Variants in UGGT1 observed in about 807,000 individuals in gnomAD.
UGGT1 encodes UDP-glucose glycoprotein glucosyltransferase 1, also known as UDP-glucose:glycoprotein glucosyltransferase 1.
A neutral mutation model predicts 203.9 loss-of-function variants in UGGT1; 107 were observed. That is an observed-to-expected ratio of 0.52 (90% CI 0.45 to 0.62). The LOEUF (loss-of-function observed/expected upper bound fraction) is 0.62. Among genes scored for constraint, UGGT1 ranks in the 20% least tolerant of loss-of-function variants. UGGT1 has a pLI of 0.00. For missense variants in UGGT1, 1,673 were observed against 1,867.2 expected (o/e 0.90, Z 1.92); for synonymous variants, 628 against 653.5 (o/e 0.96, Z 0.59).
intron 14 of UGGT1, among the ~76,000 whole-genome samples, chr2:128,134,211 T>G (rs558549381): frequency 1.6e-4 from 25 of 152,270 alleles, no homozygotes; most frequent in African/African-American, 6.0e-4. Flanking sequence ...GATTTTTGTA[T>G]TTTTAGTAGA....
At chr2:128,175,936 T>A (rs922945694) in intron 31 of UGGT1, among the ~76,000 whole-genome samples, 2 of 152,254 alleles carry the variant, frequency 1.3e-5, no homozygotes, top group Non-Finnish European at 2.9e-5. Context: ...TTGCTGTTGA[T>A]TAGTAGGGAA....
intron 14 of UGGT1, 50 bp from the exon 15 acceptor site, chr2:128,134,826 G>T: frequency 6.5e-7 from 1 of 1,547,928 alleles, no homozygotes; most frequent in South Asian, 1.1e-5. Context: ...TCGGCCCACA[G>T]ATACTTGAAT....
Position 128,183,657 on chromosome 2 carries a change from C to T in UGGT1, c.4245-18C>T, listed in dbSNP as rs549584193. 16 of 1,584,538 alleles carry T rather than the reference C, an allele frequency of 1.0e-5. 1 individual carries two copies. The highest frequency in any genetic ancestry group is 3.3e-4 in the Middle Eastern group (2 of 5,996). On this transcript the variant is annotated intron_variant, in intron 37 of 40. Coordinates refer to ENST00000259253, the MANE Select transcript of UGGT1 (RefSeq NM_020120.4). Reference sequence around the variant, plus strand: ...GTAATCCATGGTTGGTTGTAACAAGCGGGTCTTCTTTATTCAGTGCACTAT... The same window carrying T: ...GTAATCCATGGTTGGTTGTAACAAGTGGGTCTTCTTTATTCAGTGCACTAT...
At chr2:128,185,536 C>T (rs886681955) in intron 38 of UGGT1, among the ~76,000 whole-genome samples, 2 of 140,946 alleles carry the variant, frequency 1.4e-5, no homozygotes, top group Non-Finnish European at 3.0e-5. Context: ...TGCAGTGATG[C>T]GATCATGGCT....
Position 128,115,118 on chromosome 2 carries a change from T to C in UGGT1, c.697-6T>C. 1.2e-6 allele frequency: 2 copies of C among 1,613,802 alleles called. No homozygotes were observed. Among genetic ancestry groups the C allele is most frequent in the Non-Finnish European group, 1.7e-6 (2 of 1,179,754 alleles). ...GGTAATGATGGAATTCTTGCTTTAC[T>C]TGCAGAATCCCAGGAAGGAGCCTGT... On this transcript the variant is annotated splice_region_variant and splice_polypyrimidine_tract_variant and intron_variant, in intron 6 of 40. Coordinates refer to ENST00000259253, the MANE Select transcript of UGGT1 (RefSeq NM_020120.4).
At chr2:128,185,768 T>C (rs1275374246) in intron 38 of UGGT1, among the ~76,000 whole-genome samples, 1 of 152,204 alleles carries the variant, frequency 6.6e-6, no homozygotes, top group Non-Finnish European at 1.5e-5. Context: ...CAGGGTTTTG[T>C]AGAGAAGTAT....
rs1688656890 is a variant in UGGT1 at position 128,127,413 on chromosome 2, A to G, written c.1187A>G (p.Asn396Ser). 1.9e-6 allele frequency: 3 copies of G among 1,613,650 alleles called. No individual in the cohort carries two copies. Among genetic ancestry groups the G allele is most frequent in the Non-Finnish European group, 2.5e-6 (3 of 1,179,582 alleles). ...CCTGGAGATTCAGCCCTCTTCATCAATGGACTTCACATGGATTTAGATACA... is the reference window on the plus strand; with the variant it reads ...CCTGGAGATTCAGCCCTCTTCATCAGTGGACTTCACATGGATTTAGATACA... Reference protein sequence around the residue: ...LQPGDSALFINGLHMDLDTQD... With the variant: ...LQPGDSALFISGLHMDLDTQD... Residue 396 changes from asparagine to serine, a missense_variant, in exon 12 of 41, where the codon AAT (asparagine) becomes AGT (serine). Physicochemically the swap from Asn to Ser is conservative, Grantham distance 46 (BLOSUM62 1). Around this residue, in one of 4 missense-constraint regions of UGGT1, gnomAD observed 1,073 missense variants for 1,078.7 expected, o/e 0.99. Coordinates refer to ENST00000259253, the MANE Select transcript of UGGT1 (RefSeq NM_020120.4).
At chr2:128,155,073 T>C (rs1226488668) in intron 19 of UGGT1, among the ~76,000 whole-genome samples, 7 of 152,196 alleles carry the variant, frequency 4.6e-5, no homozygotes, top group Non-Finnish European at 1.0e-4. Flanking sequence ...AAAATAAAAA[T>C]CAGTTTTCTT....
intron 25 of UGGT1, among the ~76,000 whole-genome samples, chr2:128,162,373 G>A (rs753723905): frequency 6.6e-6 from 1 of 151,866 alleles, no homozygotes; most frequent in African/African-American, 2.4e-5. Context: ...TTCTGCTTGC[G>A]AGGTTGCAAT....
At chr2:128,132,823 C>T (rs973750096) in intron 13 of UGGT1, among the ~76,000 whole-genome samples, 9 of 152,028 alleles carry the variant, frequency 5.9e-5, no homozygotes, top group Non-Finnish European at 1.2e-4. Flanking sequence ...GTGATCATCC[C>T]GCCTCAGCCT....
chr2:128,151,302 C>T, intron 18 of UGGT1: 1 of 580,148 alleles, frequency 1.7e-6, no homozygotes. Context: ...TGGGCTGTTT[C>T]AGCAGCACCT....
At chr2:128,137,275 C>G (rs1303617246) in intron 15 of UGGT1, among the ~76,000 whole-genome samples, 2 of 152,104 alleles carry the variant, frequency 1.3e-5, no homozygotes, top group African/African-American at 4.8e-5. Context: ...AAAGAGTAGC[C>G]AGGCGTGGTG....
At chr2:128,183,269 A>C (rs1216398897) in intron 37 of UGGT1, among the ~76,000 whole-genome samples, 1 of 152,230 alleles carries the variant, frequency 6.6e-6, no homozygotes, top group Non-Finnish European at 1.5e-5. Context: ...TGGTGGCTTC[A>C]TTCTTTACAT....
chr2:128,162,490 A>T (rs554078707), intron 25 of UGGT1, among the ~76,000 whole-genome samples: 1 of 152,088 alleles, frequency 6.6e-6, no homozygotes, highest in Non-Finnish European at 1.5e-5. Flanking sequence ...CATGCTGCAG[A>T]GTTCAAGAGC....
rs1688749880 is a variant in UGGT1 at position 128,129,032 on chromosome 2, G to A, written c.1230G>A (p.Leu410=). 6.3e-7 allele frequency: 1 copy of A among 1,585,014 alleles called. No homozygotes were observed. The highest frequency in any genetic ancestry group is 8.5e-7 in the Non-Finnish European group (1 of 1,169,796). Residue 410 remains leucine, a synonymous_variant, in exon 13 of 41, where the codon CTG becomes CTA. Transcript: ENST00000259253. ...MDLDTQDIFS[L]FDVLRNEARV... ...CTCTTTTTGTTTTTCCCCCCAGTCT[G>A]TTTGATGTGTTGAGGAATGAAGCTC...
chr2:128,179,710 C>T (rs543169065), intron 34 of UGGT1, 76 bp from the exon 35 acceptor site: 655 of 1,268,300 alleles, frequency 5.2e-4, no homozygotes, highest in Non-Finnish European at 6.9e-4. Flanking sequence ...TTAGGTGTCT[C>T]GTGATTGACT....
intron 34 of UGGT1, among the ~76,000 whole-genome samples, chr2:128,178,859 C>G (rs1691537757): frequency 6.6e-6 from 1 of 152,128 alleles, no homozygotes; most frequent in African/African-American, 2.4e-5. Flanking sequence ...ATTGCTTAAC[C>G]CAGAGATTAG....
chr2:128,131,224 C>T (rs1171818827), intron 13 of UGGT1, among the ~76,000 whole-genome samples: 8 of 104,398 alleles, frequency 7.7e-5, no homozygotes, highest in Non-Finnish European at 1.5e-4. Context: ...CAGAGTGAGA[C>T]TCTTGTCTCA....
At chr2:128,168,439 G>A (rs1257081185) in intron 26 of UGGT1, among the ~76,000 whole-genome samples, 2 of 152,190 alleles carry the variant, frequency 1.3e-5, no homozygotes, top group Non-Finnish European at 2.9e-5. Flanking sequence ...CCATGAGCAT[G>A]TAAATTGTTT....
Sources: gnomAD v4.1 joint callset for allele counts (sites outside exome capture counted in the v4.1 genomes callset) on GRCh38, gnomAD v4.1.1 for gene constraint, gnomAD v4.1.1 regional missense constraint, MANE v1.5 for transcripts, NCBI Gene and HGNC (gene_info 2026-07-23, HGNC 2026-07-21) for gene names.